Variants in SHROOM3 observed in about 807,000 individuals in gnomAD.
The protein encoded by SHROOM3 is protein Shroom3.
In SHROOM3, 47 loss-of-function variants were observed where a neutral mutation model predicts 138.6. The observed-to-expected ratio is 0.34, with a 90% confidence interval of 0.27 to 0.43. The LOEUF (loss-of-function observed/expected upper bound fraction) is 0.43. Among genes scored for constraint, SHROOM3 ranks in the 20% least tolerant of loss-of-function variants. The probability of loss-of-function intolerance (pLI) is 1.00; values close to 1 mark genes in which losing one functional copy is unlikely to be tolerated. For synonymous variants in SHROOM3, 1,062 were observed against 1,063.3 expected (o/e 1.00, Z 0.02); for missense variants, 2,491 against 2,596.5 (o/e 0.96, Z 0.88).
rs575504095 is a variant in SHROOM3 at position 76,673,963 on chromosome 4, C to G, written c.324-36193C>G. Among the ~76,000 whole-genome samples, 3 of 152,294 alleles carry G rather than the reference C, an allele frequency of 2.0e-5. No homozygotes were observed. The East Asian group carries it at 5.8e-4, about 29-fold the overall frequency. On this transcript the variant is annotated intron_variant, in intron 2 of 10. Transcript: ENST00000296043. ...TCGTAGCTCACTGTAACATTGAACT[C>G]CTGGGGTCAAGTGATCCTCCTGCCT...
intron 2 of SHROOM3, among the ~76,000 whole-genome samples, chr4:76,617,237 CAAGT>C (rs1441460250): frequency 2.0e-5 from 3 of 152,078 alleles, no homozygotes; most frequent in Non-Finnish European, 2.9e-5. Flanking sequence ...ATTTGTGAGA[CAAGT>C]AAGAGAATGT....
chr4:76,748,869 A>G (rs1379338693), intron 5 of SHROOM3, 148 bp from the exon 6 acceptor site: 8 of 608,522 alleles, frequency 1.3e-5, no homozygotes, highest in Non-Finnish European at 2.5e-5. Context: ...CATCGATGCC[A>G]TGGGATTATG....
intron 1 of SHROOM3, among the ~76,000 whole-genome samples, chr4:76,511,113 T>C (rs1360839155): frequency 6.6e-6 from 1 of 151,178 alleles, no homozygotes; most frequent in African/African-American, 2.4e-5. Flanking sequence ...ACCTGGGAGG[T>C]GGAGGTTGCA....
intron 10 of SHROOM3, among the ~76,000 whole-genome samples, chr4:76,775,796 A>G (rs1349728187): frequency 6.6e-6 from 1 of 151,758 alleles, no homozygotes; most frequent in African/African-American, 2.4e-5. Context: ...ACACATATAT[A>G]TACACACATA....
intron 1 of SHROOM3, among the ~76,000 whole-genome samples, chr4:76,469,980 C>G (rs982360692): frequency 2.0e-5 from 3 of 152,180 alleles, no homozygotes; most frequent in African/African-American, 7.2e-5. Flanking sequence ...TTCTTTAAAG[C>G]TTCACTCTTC....
At chr4:76,725,081 G>GT (rs1720664016) in intron 3 of SHROOM3, among the ~76,000 whole-genome samples, 1 of 151,764 alleles carries the variant, frequency 6.6e-6, no homozygotes, top group Non-Finnish European at 1.5e-5. Context: ...AAGAAAAGTT[G>GT]TTTTTTGTTT....
intron 2 of SHROOM3, among the ~76,000 whole-genome samples, chr4:76,572,979 G>C (rs562188584): frequency 6.6e-6 from 1 of 152,004 alleles, no homozygotes; most frequent in Non-Finnish European, 1.5e-5. Flanking sequence ...CTGCTTGGGA[G>C]GCTGAGGCAG....
intron 2 of SHROOM3, 125 bp downstream of exon 2, chr4:76,555,888 C>T (rs928738520): frequency 2.8e-6 from 3 of 1,064,222 alleles, no homozygotes; most frequent in South Asian, 1.4e-5. Flanking sequence ...TGTATGGATC[C>T]TGCCTTTTTT....
In SHROOM3 at chr4:76,587,259, T is replaced by TA. The variant is rs548138798; in HGVS notation, c.323+31502dup. Reference sequence around the variant, plus strand: ...TGAGGATTTAATAATTGAAGATTGATAAAAAAGACTGGTGGTTTGGGACTA... The same window carrying TA: ...TGAGGATTTAATAATTGAAGATTGATAAAAAAAGACTGGTGGTTTGGGACTA... On this transcript the variant is annotated intron_variant, in intron 2 of 10. Coordinates refer to ENST00000296043, the MANE Select transcript of SHROOM3 (RefSeq NM_020859.4). The TA allele has an allele frequency of 1.2e-4, 18 of 152,314 alleles. 2 individuals are homozygous for TA. The South Asian group carries it at 3.3e-3, about 28-fold the overall frequency. The allele number at this position is 152,314 out of a possible 1,614,324, so 9.4% of individuals were successfully genotyped here. A position where few individuals can be genotyped will look rare whatever the true frequency, so the allele number is the denominator to read the frequency against.
At chr4:76,765,851 A>G (rs1722137262) in intron 9 of SHROOM3, among the ~76,000 whole-genome samples, 2 of 152,336 alleles carry the variant, frequency 1.3e-5, no homozygotes, top group South Asian at 2.1e-4. Context: ...ATGACTTGAG[A>G]AGTCGAATTT....
chr4:76,708,945 GA>G (rs1404036038), intron 2 of SHROOM3, among the ~76,000 whole-genome samples: 1 of 152,190 alleles, frequency 6.6e-6, no homozygotes, highest in African/African-American at 2.4e-5. Flanking sequence ...AATTCGGTGA[GA>G]AAAGTAATGT....
intron 2 of SHROOM3, among the ~76,000 whole-genome samples, chr4:76,672,319 A>C (rs914718162): frequency 6.7e-6 from 1 of 149,928 alleles, no homozygotes; most frequent in African/African-American, 2.5e-5. Context: ...TTCTATCCCT[A>C]TTGTTGGCAT....
chr4:76,534,832 A>T (rs1483965860), intron 1 of SHROOM3, among the ~76,000 whole-genome samples: 3 of 152,150 alleles, frequency 2.0e-5, no homozygotes, highest in Non-Finnish European at 4.4e-5. Flanking sequence ...TAGTCAACTG[A>T]CTTCAAAAAG....
At chr4:76,586,781 A>G (rs991203181) in intron 2 of SHROOM3, among the ~76,000 whole-genome samples, 24 of 152,238 alleles carry the variant, frequency 1.6e-4, no homozygotes, top group African/African-American at 5.8e-4. Flanking sequence ...GTTAAGGCCA[A>G]CAAATATATA....
At chr4:76,444,290 ATATATG>A (rs1730758881) in intron 1 of SHROOM3, among the ~76,000 whole-genome samples, 2 of 150,518 alleles carry the variant, frequency 1.3e-5, no homozygotes, top group Non-Finnish European at 3.0e-5. Context: ...ATATATATGT[ATATATG>A]TATATATATA....
Position 76,736,363 on chromosome 4 carries a change from C to T in SHROOM3, c.588-2398C>T, listed in dbSNP as rs78674055. Among the ~76,000 whole-genome samples, 1,029 of 152,238 alleles carry T rather than the reference C, an allele frequency of 6.8e-3. 8 individuals carry two copies. Among genetic ancestry groups the T allele is most frequent in the African/African-American group, 0.024 (984 of 41,540 alleles). ...TACCTATCTGTCCCGAAGTAGGATG[C>T]GCCATTCAGTCAACTGACTTTCTCT... is the stretch of plus-strand genomic sequence containing the variant. On this transcript the variant is annotated intron_variant, in intron 4 of 10. Transcript: ENST00000296043.
At chr4:76,541,623 G>GCACACACACA (rs751594734) in intron 1 of SHROOM3, among the ~76,000 whole-genome samples, 8,248 of 140,040 alleles carry the variant, frequency 0.059, 255 homozygotes, top group Middle Eastern at 0.094. Flanking sequence ...ACATATGTGG[G>GCACACACACA]CGCACACACA....
In SHROOM3 at chr4:76,649,746, C is replaced by T. The variant is rs1049875602; in HGVS notation, c.324-60410C>T. Among the ~76,000 whole-genome samples, 12 of 152,284 alleles carry T rather than the reference C, an allele frequency of 7.9e-5. 2 individuals carry two copies. The South Asian group carries it at 2.5e-3, about 32-fold the overall frequency. ...TGATAAAAGTATAGGAAATCACTGT[C>T]AAAATTGTCCTGTGGTGGACAATTG... On this transcript the variant is annotated intron_variant, in intron 2 of 10. Coordinates refer to ENST00000296043, the MANE Select transcript of SHROOM3 (RefSeq NM_020859.4).
chr4:76,743,753 G>A (rs141282496), intron 5 of SHROOM3, among the ~76,000 whole-genome samples: 12 of 152,196 alleles, frequency 7.9e-5, no homozygotes, highest in Non-Finnish European at 1.8e-4. Context: ...ATAAATCCCC[G>A]ACAAATATAG....
Sources: allele counts gnomAD v4.1 joint callset (sites outside exome capture counted in the v4.1 genomes callset), GRCh38; gene constraint gnomAD v4.1.1; transcripts MANE v1.5; gene names NCBI Gene and HGNC (gene_info 2026-07-23, HGNC 2026-07-21).